The following PCNT variants were observed in gnomAD, a reference collection of about 807,000 sequenced individuals.
PCNT encodes the protein pericentrin.
Under a neutral mutation model 380.4 loss-of-function variants are expected in PCNT, and 319 were observed. The ratio of observed to expected loss-of-function variants is 0.84; its 90% CI spans 0.77 to 0.92. The LOEUF is 0.92. PCNT is among the 40% of genes least tolerant of loss of function. The pLI is 0.00. For synonymous variants in PCNT, 1,845 were observed against 1,735.2 expected, an observed-to-expected ratio of 1.06 and a Z score of -1.57; for missense variants, 4,400 against 4,255.3, an observed-to-expected ratio of 1.03 and a Z score of -0.95.
intron 13 of PCNT, among the ~76,000 whole-genome samples, chr21:46,358,512 C>A (rs538482605): frequency 6.6e-6 from 1 of 152,272 alleles, no homozygotes; most frequent in East Asian, 1.9e-4. Context: ...GTAGGTGGGC[C>A]GATGGTCATG....
At chr21:46,360,749 ACTTC>A (rs2084685274) in intron 13 of PCNT, among the ~76,000 whole-genome samples, 3 of 150,702 alleles carry the variant, frequency 2.0e-5, no homozygotes, top group Non-Finnish European at 4.4e-5. Context: ...CAATCTCCTG[ACTTC>A]CCGATCCGCC....
intron 41 of PCNT, among the ~76,000 whole-genome samples, chr21:46,439,660 C>A (rs2053555774): frequency 6.6e-6 from 1 of 152,178 alleles, no homozygotes; most frequent in Non-Finnish European, 1.5e-5. Flanking sequence ...TTTTCACCCA[C>A]AGTTGGTTGA....
chr21:46,347,318 T>C, intron 5 of PCNT, 139 bp from the exon 6 acceptor site: 1 of 849,890 alleles, frequency 1.2e-6, no homozygotes, highest in Non-Finnish European at 2.0e-6. Context: ...AAGCCAAGCA[T>C]CATCACAGAC....
Position 46,347,006 on chromosome 21 carries a change from A to G in PCNT, c.976+8A>G. ...GGTGTGGACAGGAAGCAGGTACTGCATGGCTAGGCGGGCACGGGCAGCGTG... is the reference window on the plus strand; with the variant it reads ...GGTGTGGACAGGAAGCAGGTACTGCGTGGCTAGGCGGGCACGGGCAGCGTG... On this transcript the variant is annotated splice_region_variant and intron_variant, in intron 5 of 46. Coordinates refer to ENST00000359568, the MANE Select transcript of PCNT (RefSeq NM_006031.6). 3 of 1,592,580 alleles carry G rather than the reference A, an allele frequency of 1.9e-6. No individual in the cohort carries two copies. Among genetic ancestry groups the G allele is most frequent in the Non-Finnish European group, 2.6e-6 (3 of 1,172,250 alleles).
chr21:46,360,109 G>A (rs1025706615), intron 13 of PCNT, among the ~76,000 whole-genome samples: 9 of 151,564 alleles, frequency 5.9e-5, no homozygotes, highest in Non-Finnish European at 8.8e-5. Flanking sequence ...CACCCGCCTC[G>A]GCCTCCCAAA....
intron 4 of PCNT, 53 bp from the exon 5 acceptor site, chr21:46,346,690 T>C (rs568296727): frequency 2.6e-6 from 4 of 1,561,788 alleles, no homozygotes; most frequent in Non-Finnish European, 3.5e-6. Flanking sequence ...GTCTCCCTGA[T>C]GCGCCCTGGT....
rs774997807 is a variant in PCNT, at chr21:46,366,866, T to C, written c.2892T>C (p.His964=). ...AADLGALETR[H]LSSLDSLESC... is the part of the protein sequence containing the mutation. ...ACCTCGGCGCTCTGGAGACCAGACA[T>C]CTGTCCAGCCTTGATTCTTTGGAAT... is the stretch of plus-strand genomic sequence containing the variant. The change falls in exon 15 of 47, where the codon CAT becomes CAC. Residue 964 remains histidine, a synonymous_variant. Coordinates refer to ENST00000359568, the MANE Select transcript of PCNT (RefSeq NM_006031.6). 5 of 1,614,038 alleles carry C rather than the reference T, an allele frequency of 3.1e-6. No homozygotes were observed. The highest frequency in any genetic ancestry group is 4.2e-6 in the Non-Finnish European group (5 of 1,180,052).
At chr21:46,413,670 G>A (rs2086895154) in intron 29 of PCNT, among the ~76,000 whole-genome samples, 2 of 152,186 alleles carry the variant, frequency 1.3e-5, no homozygotes, top group South Asian at 4.1e-4. Flanking sequence ...TCGCCCCCGT[G>A]GGCCTCACCT....
At chr21:46,440,822 T>C in intron 42 of PCNT, 33 bp from the exon 43 acceptor site, 2 of 1,287,338 alleles carry the variant, frequency 1.6e-6, no homozygotes, top group Non-Finnish European at 2.3e-6. Context: ...CTTTGTTTCC[T>C]ATGATAAAAT....
Position 46,326,445 on chromosome 21 carries a change from G to T in PCNT, c.123G>T (p.Arg41Ser). 1 of 1,614,236 alleles carries T rather than the reference G, an allele frequency of 6.2e-7. No individual in the cohort carries two copies. Among genetic ancestry groups the T allele is most frequent in the Non-Finnish European group, 8.5e-7 (1 of 1,180,044 alleles). The change falls in exon 2 of 47, where the codon AGG becomes AGT. Residue 41 changes from arginine (R) to serine (S), a missense_variant. Physicochemically the swap from Arg to Ser is moderately radical, Grantham distance 110. Coordinates refer to ENST00000359568, the MANE Select transcript of PCNT (RefSeq NM_006031.6). Reference sequence around the variant, plus strand: ...ATTCGGAGAAAAAGACGGCGAAGAGGAAGGGCTCGGCTGTCGATGCGTCTG... The same window carrying T: ...ATTCGGAGAAAAAGACGGCGAAGAGTAAGGGCTCGGCTGTCGATGCGTCTG... ...SSHSEKKTAK[R>S]KGSAVDASVQ...
chr21:46,402,625 G>A (rs2086466695), intron 27 of PCNT, 142 bp downstream of exon 27: 2 of 842,920 alleles, frequency 2.4e-6, no homozygotes, highest in South Asian at 2.8e-5. Flanking sequence ...AGTGCAGAGA[G>A]CGCCCGATTC....
rs769537753 is a variant in PCNT at position 46,411,733 on chromosome 21, A to C, written c.5660A>C (p.His1887Pro). ...GCTCTGAACCAGCGGAAGGCGGCCC[A>C]CTCTGCCGAGCTGGAGGCCGTCCTG... ...IDALNQRKAA[H>P]SAELEAVLLA... The change falls in exon 28 of 47, where the codon CAC (histidine) becomes CCC (proline). Residue 1887 changes from histidine to proline, a missense_variant. Transcript: ENST00000359568. The C allele has an allele frequency of 6.2e-7, 1 of 1,611,884 alleles. No homozygotes were observed. Among genetic ancestry groups the C allele is most frequent in the Non-Finnish European group, 8.5e-7 (1 of 1,179,756 alleles).
At position 46,414,739 on chromosome 21, in the gene PCNT, CT is replaced by C; in HGVS notation, c.6151-1329del. On this transcript the variant is annotated intron_variant, in intron 29 of 46. Coordinates refer to ENST00000359568, the MANE Select transcript of PCNT (RefSeq NM_006031.6). Reference sequence around the variant, plus strand: ...CCTGGACACACAGCTGCCCACCCTCCTCCTCCTGGACACGCAGCCGCCCACC... The same window carrying C: ...CCTGGACACACAGCTGCCCACCCTCCCCTCCTGGACACGCAGCCGCCCACC... Among the ~76,000 whole-genome samples the C allele has an allele frequency of 9.9e-5, 11 of 110,728 alleles. 1 individual carries two copies. The highest frequency in any genetic ancestry group is 4.0e-4 in the African/African-American group (7 of 17,394). The allele number at this position is 110,728 out of a possible 152,430, so 72.6% of individuals were successfully genotyped here.
Position 46,431,837 on chromosome 21 carries a change from G to T in PCNT, c.8373G>T (p.Leu2791=), listed in dbSNP as rs2087777127. The T allele has an allele frequency of 6.2e-7, 1 of 1,613,814 alleles. No individual in the cohort carries two copies. The highest frequency in any genetic ancestry group is 1.3e-5 in the African/African-American group (1 of 74,936). ...ACACACAGGCCCATCACGCTCTGCT[G>T]CAGAAGCTGAAGGAGGAGAAGTCCC... The part of the protein sequence containing the change: ...HQDTQAHHAL[L]QKLKEEKSRV... Residue 2791 remains leucine (L), a synonymous_variant, in exon 38 of 47, where the codon CTG becomes CTT. Coordinates refer to ENST00000359568, the MANE Select transcript of PCNT (RefSeq NM_006031.6).
At chr21:46,346,086 CAT>C (rs1254873242) in intron 3 of PCNT, 40 bp from the exon 4 acceptor site, 114 of 1,575,760 alleles carry the variant, frequency 7.2e-5, no homozygotes, top group Non-Finnish European at 9.6e-5. Flanking sequence ...TGTGGCTTCT[CAT>C]GTGAATTCTG....
intron 17 of PCNT, among the ~76,000 whole-genome samples, chr21:46,387,948 C>A (rs1029740429): frequency 2.1e-4 from 32 of 152,152 alleles, no homozygotes; most frequent in Non-Finnish European, 1.0e-4. Context: ...CAGTGGCTCA[C>A]GCTTGTAATC....
In PCNT at chr21:46,399,743, C is replaced by G. The variant is rs2086357605; in HGVS notation, c.4738C>G (p.Gln1580Glu). The G allele has an allele frequency of 1.2e-6, 2 of 1,614,106 alleles. No individual in the cohort carries two copies. The highest frequency in any genetic ancestry group is 2.7e-5 in the African/African-American group (2 of 75,032). The stretch of plus-strand genomic sequence containing the variant: ...CATCAACATCAGGAAAAAAGTGGCC[C>G]AGCTCCAGGAAGAAGTGGAAAAACA... ...MNINIRKKVAQLQEEVEKQKN... is the reference protein window; with the variant it reads ...MNINIRKKVAELQEEVEKQKN... The change falls in exon 25 of 47, where the codon CAG becomes GAG. Residue 1580 changes from glutamine to glutamate, a missense_variant. By Grantham distance (29) the Gln-to-Glu change is conservative. Coordinates refer to ENST00000359568, the MANE Select transcript of PCNT (RefSeq NM_006031.6).
At chr21:46,412,670 C>G (rs1479881248) in intron 28 of PCNT, among the ~76,000 whole-genome samples, 167 bp from the exon 29 acceptor site, 1 of 152,232 alleles carries the variant, frequency 6.6e-6, no homozygotes, top group South Asian at 2.1e-4. Context: ...CAGCCCCGTT[C>G]CCATGTGGCC....
intron 13 of PCNT, among the ~76,000 whole-genome samples, chr21:46,358,834 T>C (rs1569195015): frequency 6.6e-6 from 1 of 151,948 alleles, no homozygotes; most frequent in Non-Finnish European, 1.5e-5. Flanking sequence ...GGAGTCTCGC[T>C]CTGTCACCCA....
Sources: gnomAD v4.1 joint callset for allele counts (sites outside exome capture counted in the v4.1 genomes callset) on GRCh38, gnomAD v4.1.1 for gene constraint, MANE v1.5 for transcripts, NCBI Gene and HGNC (gene_info 2026-07-23, HGNC 2026-07-21) for gene names.